Variants in TBCD observed in about 807,000 individuals in gnomAD.
TBCD encodes tubulin-specific chaperone D.
Under a neutral mutation model 169.3 loss-of-function variants are expected in TBCD, and 105 were observed. The observed-to-expected ratio is 0.62, with a 90% confidence interval of 0.53 to 0.73. TBCD has a LOEUF of 0.73. Ranked by LOEUF, TBCD falls within the 30% of genes least tolerant of loss-of-function variation. The probability of loss-of-function intolerance (pLI) is 0.00; values close to 1 mark genes in which losing one functional copy is unlikely to be tolerated. For synonymous variants in TBCD, 700 were observed against 643.9 expected (o/e 1.09, Z -1.32); for missense variants, 1,444 against 1,600.1 (o/e 0.90, Z 1.66).
At chr17:82,886,691 C>CTCCCCTCCCG (rs1567959747) in intron 15 of TBCD, among the ~76,000 whole-genome samples, 1 of 61,220 alleles carries the variant, frequency 1.6e-5, no homozygotes, top group Non-Finnish European at 3.3e-5. Flanking sequence ...CTCCCCTCCC[C>CTCCCCTCCCG]TCCCCTCCCA....
intron 29 of TBCD, 141 bp downstream of exon 29, chr17:82,927,464 T>C (rs758884697): frequency 1.8e-4 from 216 of 1,227,176 alleles, no homozygotes; most frequent in Middle Eastern, 1.2e-3. Flanking sequence ...CTGGGGAAGA[T>C]GACCTGTTCT....
chr17:82,902,674 G>A (rs2059970100), intron 18 of TBCD, among the ~76,000 whole-genome samples: 1 of 152,230 alleles, frequency 6.6e-6, no homozygotes, highest in Non-Finnish European at 1.5e-5. Flanking sequence ...TGGTGCTGTG[G>A]GTTTGGTGTT....
At chr17:82,800,362 A>G (rs972315503) in intron 8 of TBCD, among the ~76,000 whole-genome samples, 8 of 152,158 alleles carry the variant, frequency 5.3e-5, no homozygotes, top group African/African-American at 1.9e-4. Flanking sequence ...TCATCACTGC[A>G]TGACACCGAG....
intron 12 of TBCD, 121 bp from the exon 13 acceptor site, chr17:82,814,719 C>T: frequency 2.2e-6 from 2 of 916,946 alleles, no homozygotes. Flanking sequence ...TTTAGTGAGC[C>T]TTACGTGAGC....
In TBCD at chr17:82,831,698, C is replaced by G. The variant is rs2145265028; in HGVS notation, c.1318+16764C>G. The G allele has an allele frequency of 6.2e-7, 1 of 1,614,102 alleles. No homozygotes were observed. The highest frequency in any genetic ancestry group is 8.5e-7 in the Non-Finnish European group (1 of 1,180,030). The stretch of plus-strand genomic sequence containing the variant: ...AGCAGGTAAGGCGAGTAGATGGTGG[C>G]CAGCCCGTGCTCTGTGTAAAAGTGA... On this transcript the variant is annotated intron_variant, in intron 13 of 38. Transcript: ENST00000355528. This position sits in a 1 kb window ranked among gnomAD's most constrained non-coding sequence, Gnocchi z 4.6.
At chr17:82,857,759 TTTAA>T (rs1170596686) in intron 13 of TBCD, among the ~76,000 whole-genome samples, 5 of 150,606 alleles carry the variant, frequency 3.3e-5, no homozygotes, top group South Asian at 2.1e-4. Flanking sequence ...TTTTTTTTTT[TTTAA>T]TTTAATTTAA....
At chr17:82,886,932 G>A (rs1052899435) in intron 15 of TBCD, among the ~76,000 whole-genome samples, 2 of 151,578 alleles carry the variant, frequency 1.3e-5, no homozygotes, top group East Asian at 3.9e-4. Flanking sequence ...GGCTCCCAAA[G>A]TGCTGGGATT....
chr17:82,793,365 G>A (rs545373634), intron 7 of TBCD, among the ~76,000 whole-genome samples: 3 of 152,300 alleles, frequency 2.0e-5, no homozygotes, highest in Non-Finnish European at 4.4e-5. Flanking sequence ...GCGCTCTCCC[G>A]TCCTGTCTAG....
chr17:82,911,704 G>T lies in TBCD; in HGVS notation c.2007-54G>T, dbSNP rs950944819. On this transcript the variant is annotated intron_variant, in intron 22 of 38. Coordinates refer to ENST00000355528, the MANE Select transcript of TBCD (RefSeq NM_005993.5). Reference sequence around the variant, plus strand: ...GTTACATTGGCAAGCATATTTCATGGTGTTTTATACGTCAAGAGGTTCTTC... The same window carrying T: ...GTTACATTGGCAAGCATATTTCATGTTGTTTTATACGTCAAGAGGTTCTTC... 16 of 1,560,848 alleles carry T rather than the reference G, an allele frequency of 1.0e-5. No individual in the cohort carries two copies. In the East Asian group the frequency reaches 3.4e-4, roughly 33 times the overall value.
chr17:82,805,664 G>A (rs1263557570), intron 9 of TBCD, among the ~76,000 whole-genome samples: 5 of 152,158 alleles, frequency 3.3e-5, no homozygotes, highest in Non-Finnish European at 1.5e-5. Flanking sequence ...TTCTGGACTC[G>A]GGGCGTGTTT....
chr17:82,921,600 C>A (rs369069189), intron 25 of TBCD, 23 bp downstream of exon 25: 1 of 1,611,298 alleles, frequency 6.2e-7, no homozygotes, highest in Non-Finnish European at 8.5e-7. Context: ...TGGGCGTTCC[C>A]GGCCGGCGCT....
Position 82,923,830 on chromosome 17 carries a change from G to GAGC in TBCD, c.2260+100_2260+102dup. 2.0e-6 allele frequency: 2 copies of GAGC among 976,564 alleles called. No individual in the cohort carries two copies. The allele number at this position is 976,564 out of a possible 1,614,324, so 60.5% of individuals were successfully genotyped here. On this transcript the variant is annotated intron_variant, in intron 26 of 38. Coordinates refer to ENST00000355528, the MANE Select transcript of TBCD (RefSeq NM_005993.5). This position sits in a 1 kb window ranked among gnomAD's most constrained non-coding sequence, Gnocchi z 4.6. The stretch of plus-strand genomic sequence containing the variant: ...CGGAGGAGGCCTCGGTTGTGCAGTG[G>GAGC]AGCAGAGCCACCACGATCATGGCTG...
At chr17:82,842,973 G>C (rs996378428) in intron 13 of TBCD, among the ~76,000 whole-genome samples, 1 of 151,570 alleles carries the variant, frequency 6.6e-6, no homozygotes, top group East Asian at 1.9e-4. Flanking sequence ...GTAGAGACGG[G>C]GTTTCACCGT....
intron 13 of TBCD, among the ~76,000 whole-genome samples, chr17:82,868,454 C>T (rs2057337175): frequency 6.6e-6 from 1 of 152,194 alleles, no homozygotes; most frequent in East Asian, 1.9e-4. Flanking sequence ...AGGCAGTTTC[C>T]CTAGCCCCTC....
intron 13 of TBCD, among the ~76,000 whole-genome samples, chr17:82,834,424 T>C (rs768176955): frequency 6.6e-6 from 1 of 152,158 alleles, no homozygotes; most frequent in Non-Finnish European, 1.5e-5. Flanking sequence ...GTCTTTAGGG[T>C]CTAAATATTT....
At chr17:82,804,347 C>G (rs1354363675) in intron 9 of TBCD, among the ~76,000 whole-genome samples, 1 of 152,104 alleles carries the variant, frequency 6.6e-6, no homozygotes, top group African/African-American at 2.4e-5. Flanking sequence ...TTTGGTGGGT[C>G]TGGAATCTTG....
intron 1 of TBCD, among the ~76,000 whole-genome samples, chr17:82,754,001 C>T (rs763173115): frequency 6.6e-6 from 1 of 151,546 alleles, no homozygotes; most frequent in Non-Finnish European, 1.5e-5. Context: ...CTCAGCCTCC[C>T]GAGTAGCTGG....
Position 82,838,678 on chromosome 17 carries a change from C to T in TBCD, c.1318+23744C>T. ...TGATTGACTGCCACTCCCTCCCAGC[C>T]TTTCGGTTCTTTAAAATGAAAGATA... On this transcript the variant is annotated intron_variant, in intron 13 of 38. Transcript: ENST00000355528. 4.1e-6 allele frequency: 4 copies of T among 985,458 alleles called. No homozygotes were observed. The South Asian group carries it at 1.4e-4, about 35-fold the overall frequency. The allele number at this position is 985,458 out of a possible 1,614,324, so 61.0% of individuals were successfully genotyped here.
Position 82,924,958 on chromosome 17 carries a change from C to A in TBCD, c.2280C>A (p.Tyr760Ter), listed in dbSNP as rs754750539. The change falls in exon 27 of 39, where the codon TAC becomes TAA. Residue 760 changes from tyrosine to a stop codon, truncating the protein, a stop_gained. Coordinates refer to ENST00000355528, the MANE Select transcript of TBCD (RefSeq NM_005993.5). LOFTEE classifies it high-confidence loss of function. ...TTTCAGAGGAGCTGATCACGCAGTA[C>A]CTGGCTGAGCTTCGGAACCCCGAGG... is the stretch of plus-strand genomic sequence containing the variant. Reference protein sequence around the residue: ...PAIQEELITQYLAELRNPEEM... With the variant: ...PAIQEELITQ 6.4e-7 allele frequency: 1 copy of A among 1,568,352 alleles called. No homozygotes were observed. Among genetic ancestry groups the A allele is most frequent in the East Asian group, 2.4e-5 (1 of 42,448 alleles).
Sources: allele counts gnomAD v4.1 joint callset (sites outside exome capture counted in the v4.1 genomes callset), GRCh38; gene constraint gnomAD v4.1.1; non-coding constraint Gnocchi (gnomAD v3.1); transcripts MANE v1.5; gene names NCBI Gene and HGNC (gene_info 2026-07-23, HGNC 2026-07-21).